AMMECR1: variants seen among roughly 807,000 people sequenced by gnomAD.
AMMECR1 encodes the protein nuclear protein AMMECR1.
Under a neutral mutation model 22.5 loss-of-function variants are expected in AMMECR1, and 3 were observed. The ratio of observed to expected loss-of-function variants is 0.13; its 90% CI spans 0.06 to 0.35. AMMECR1 has a LOEUF of 0.35. Ranked by LOEUF, AMMECR1 falls within the 10% of genes least tolerant of loss-of-function variation. AMMECR1 has a pLI of 1.00. For missense variants in AMMECR1, 235 were observed against 278.7 expected (o/e 0.84, Z 1.12); for synonymous variants, 130 against 116.7 (o/e 1.11, Z -0.74).
chrX:110,285,714 A>T (rs974951501), intron 1 of AMMECR1, among the ~76,000 whole-genome samples: 4 of 111,931 alleles, frequency 3.6e-5, no homozygotes, highest in African/African-American at 1.3e-4. Context: ...TACATAGTAA[A>T]CACTCAATAC....
upstream of AMMECR1, among the ~76,000 whole-genome samples, chrX:110,322,065 T>C (rs1351497406): frequency 8.9e-6 from 1 of 112,713 alleles, no homozygotes. Context: ...AACACATTTA[T>C]GAGCAAAAGC....
chrX:110,230,615 C>T (rs954579810), intron 2 of AMMECR1, among the ~76,000 whole-genome samples: 2 of 111,839 alleles, frequency 1.8e-5, no homozygotes, highest in African/African-American at 6.5e-5. Context: ...AATGAGAGCA[C>T]CTCTTCTCCT....
chrX:110,378,359 C>G (rs769807347), intron 2 of AMMECR1, among the ~76,000 whole-genome samples: 14 of 111,281 alleles, frequency 1.3e-4, no homozygotes, highest in Non-Finnish European at 2.4e-4. Context: ...TTGACTGTTG[C>G]GATAGCCTCC....
At chrX:110,360,070 G>A (rs768571277) in intron 2 of AMMECR1, among the ~76,000 whole-genome samples, 1 of 111,906 alleles carries the variant, frequency 8.9e-6, no homozygotes, top group Non-Finnish European at 1.9e-5. Context: ...CTAGAGGCAA[G>A]CATTCTAGGA....
intron 2 of AMMECR1, among the ~76,000 whole-genome samples, chrX:110,261,217 T>TA (rs997985507): frequency 1.8e-5 from 2 of 108,764 alleles, no homozygotes; most frequent in African/African-American, 6.7e-5. Context: ...TTCCCCACAA[T>TA]AAAAAAAAAG....
intron 3 of AMMECR1, among the ~76,000 whole-genome samples, chrX:110,203,402 G>T (rs906386727): frequency 1.2e-4 from 13 of 111,762 alleles, no homozygotes; most frequent in Non-Finnish European, 2.3e-4. Context: ...ATGATTGAAA[G>T]AAATCTGTCC....
intron 2 of AMMECR1, among the ~76,000 whole-genome samples, chrX:110,222,591 TA>T (rs11320334): frequency 0.083 from 4,541 of 54,487 alleles, 314 homozygotes; most frequent in African/African-American, 0.26. Context: ...AAACTTAAAT[TA>T]AAAAAAAAAA....
chrX:110,236,940 T>G (rs1206840527), intron 2 of AMMECR1, among the ~76,000 whole-genome samples: 1 of 111,717 alleles, frequency 9.0e-6, no homozygotes, highest in African/African-American at 3.3e-5. Context: ...ACTCATAGAC[T>G]GCTATAAATA....
At chrX:110,370,735 C>T (rs1051647395) in intron 2 of AMMECR1, among the ~76,000 whole-genome samples, 10 of 112,325 alleles carry the variant, frequency 8.9e-5, no homozygotes, top group South Asian at 3.7e-4. Flanking sequence ...TGTGAGACAA[C>T]GGCAAGTGGT....
chrX:110,400,812 CTATTT>C (rs2068559293), intron 2 of AMMECR1, among the ~76,000 whole-genome samples: 1 of 111,380 alleles, frequency 9.0e-6, no homozygotes, highest in Non-Finnish European at 1.9e-5. Flanking sequence ...AGAACAGGGA[CTATTT>C]TATTTATGTC....
chrX:110,250,366 G>C (rs145690888), intron 2 of AMMECR1, among the ~76,000 whole-genome samples: 2 of 111,572 alleles, frequency 1.8e-5, no homozygotes, highest in East Asian at 2.8e-4. Flanking sequence ...TGGGCTCTAG[G>C]GTTCAGCCAA....
At chrX:110,269,948 A>C (rs954950906) in intron 1 of AMMECR1, among the ~76,000 whole-genome samples, 1 of 111,839 alleles carries the variant, frequency 8.9e-6, no homozygotes, top group African/African-American at 3.3e-5. Flanking sequence ...AGAAAGCCCA[A>C]GATTAAGGTA....
intron 2 of AMMECR1, among the ~76,000 whole-genome samples, chrX:110,231,788 G>T (rs1214120172): frequency 1.8e-5 from 2 of 110,570 alleles, no homozygotes; most frequent in Non-Finnish European, 3.8e-5. Flanking sequence ...ATGCAAAGAC[G>T]CATACAGGCT....
intron 2 of AMMECR1, among the ~76,000 whole-genome samples, chrX:110,245,403 T>C (rs1019346815): frequency 4.5e-5 from 5 of 111,833 alleles, no homozygotes; most frequent in African/African-American, 1.6e-4. Context: ...CTTTATTATA[T>C]TGAGCATTCC....
chrX:110,417,234 G>C (rs1170444440), intron 2 of AMMECR1, among the ~76,000 whole-genome samples: 1 of 112,112 alleles, frequency 8.9e-6, no homozygotes, highest in African/African-American at 3.2e-5. Context: ...CGGCTGCTCA[G>C]CTTGGAGGGA....
intron 2 of AMMECR1, among the ~76,000 whole-genome samples, chrX:110,386,173 T>A (rs2068453577): frequency 9.0e-6 from 1 of 110,734 alleles, no homozygotes; most frequent in African/African-American, 3.3e-5. Flanking sequence ...GATCATATGG[T>A]AACACTATGT....
intron 2 of AMMECR1, among the ~76,000 whole-genome samples, chrX:110,350,382 C>G (rs1276033938): frequency 3.6e-5 from 4 of 111,535 alleles, no homozygotes; most frequent in Non-Finnish European, 7.5e-5. Flanking sequence ...CTGCTAAGAT[C>G]AGAAACAAGA....
intron 1 of AMMECR1, among the ~76,000 whole-genome samples, chrX:110,291,084 C>T (rs1209428223): frequency 2.7e-5 from 3 of 110,936 alleles, no homozygotes; most frequent in Non-Finnish European, 5.7e-5. Context: ...TCACTCAGCA[C>T]GTTTATAAAA....
intron 1 of AMMECR1, among the ~76,000 whole-genome samples, chrX:110,427,134 C>T (rs2068759950): frequency 8.9e-6 from 1 of 112,064 alleles, no homozygotes; most frequent in African/African-American, 3.2e-5. Context: ...TAGTTCAGGA[C>T]TCCTCCCACC....
Sources: gnomAD v4.1 joint callset for allele counts (sites outside exome capture counted in the v4.1 genomes callset) on GRCh38, gnomAD v4.1.1 for gene constraint, MANE v1.5 for transcripts, NCBI Gene and HGNC (gene_info 2026-07-23, HGNC 2026-07-21) for gene names.